Variants in SLC16A12 observed in about 807,000 individuals in gnomAD.
SLC16A12 encodes the protein monocarboxylate transporter 12.
SLC16A12 carries 17 observed loss-of-function variants against 42.4 expected under a neutral mutation model. The observed-to-expected ratio is 0.40, with a 90% CI of 0.27 to 0.60. The LOEUF (loss-of-function observed/expected upper bound fraction) is 0.60. Among genes scored for constraint, SLC16A12 ranks in the 20% least tolerant of loss-of-function variants. The pLI is 0.42. For synonymous variants in SLC16A12, 224 were observed against 229.4 expected, an observed-to-expected ratio of 0.98 and a Z score of 0.21; for missense variants, 544 against 623.0, an observed-to-expected ratio of 0.87 and a Z score of 1.35.
chr10:89,521,254 A>C (rs1843349647), intron 2 of SLC16A12, among the ~76,000 whole-genome samples: 1 of 152,200 alleles, frequency 6.6e-6, no homozygotes, highest in South Asian at 2.1e-4. Context: ...AGTCCCAACA[A>C]AGCCAGTCCA....
intron 2 of SLC16A12, among the ~76,000 whole-genome samples, chr10:89,555,532 TAC>T (rs1843806472): frequency 6.9e-6 from 1 of 145,868 alleles, no homozygotes; most frequent in Admixed American, 7.0e-5. Flanking sequence ...TGTGTATATA[TAC>T]GTATGTATGT....
chr10:89,471,992 T>C (rs1842502040), intron 2 of SLC16A12, among the ~76,000 whole-genome samples: 1 of 152,166 alleles, frequency 6.6e-6, no homozygotes, highest in Non-Finnish European at 1.5e-5. Context: ...ATTATTGGGA[T>C]ACAGGAATAC....
intron 2 of SLC16A12, among the ~76,000 whole-genome samples, chr10:89,494,906 A>C (rs1691744742): frequency 6.6e-6 from 1 of 152,220 alleles, no homozygotes; most frequent in South Asian, 2.1e-4. Context: ...AGTCTGTGGA[A>C]ATGCTACATA....
At chr10:89,505,025 C>T (rs529619998) in intron 2 of SLC16A12, among the ~76,000 whole-genome samples, 1 of 152,282 alleles carries the variant, frequency 6.6e-6, no homozygotes, top group African/African-American at 2.4e-5. Context: ...TGAATTGATA[C>T]AGCTTGATTC....
chr10:89,492,469 C>G (rs1010647428), intron 2 of SLC16A12, among the ~76,000 whole-genome samples: 1 of 152,048 alleles, frequency 6.6e-6, no homozygotes, highest in Non-Finnish European at 1.5e-5. Flanking sequence ...GTGGCTCACA[C>G]CTGTAATCCC....
At chr10:89,445,731 G>A (rs572358250) in intron 3 of SLC16A12, among the ~76,000 whole-genome samples, 4,761 of 152,238 alleles carry the variant, frequency 0.031, 252 homozygotes, top group African/African-American at 0.11. Context: ...ACCGGCGACA[G>A]AACAAAGCTG....
intron 5 of SLC16A12, among the ~76,000 whole-genome samples, chr10:89,440,388 G>A (rs957106966): frequency 3.9e-5 from 6 of 152,154 alleles, no homozygotes; most frequent in African/African-American, 9.7e-5. Flanking sequence ...ACCTTCTTTA[G>A]CTAACATAGC....
chr10:89,433,565 T>C lies in SLC16A12; in HGVS notation c.1289-239A>G, dbSNP rs7090346. On this transcript the variant is annotated intron_variant, in intron 7 of 7. Coordinates refer to ENST00000371790, the MANE Select transcript of SLC16A12 (RefSeq NM_213606.4). Reference sequence around the variant, plus strand: ...CTGTAAAGTGCTTGGAAAAGCATCATGTACTTAGTAGTCACAACGTAAATA... The same window carrying C: ...CTGTAAAGTGCTTGGAAAAGCATCACGTACTTAGTAGTCACAACGTAAATA... 0.27 allele frequency among the ~76,000 whole-genome samples: 40,780 copies of C among 152,176 alleles called. 5,737 individuals are homozygous for C. Among genetic ancestry groups the C allele is most frequent in the African/African-American group, 0.32 (13,122 of 41,510 alleles).
intron 2 of SLC16A12, among the ~76,000 whole-genome samples, chr10:89,468,815 T>G (rs1392349904): frequency 6.6e-6 from 1 of 152,128 alleles, no homozygotes; most frequent in Non-Finnish European, 1.5e-5. Context: ...ACAAATATAA[T>G]GGGCAGGTCT....
chr10:89,471,223 T>C (rs1421386281), intron 2 of SLC16A12, among the ~76,000 whole-genome samples: 1 of 152,220 alleles, frequency 6.6e-6, no homozygotes, highest in Non-Finnish European at 1.5e-5. Flanking sequence ...AACATTTTTA[T>C]CATCCCCAGA....
chr10:89,554,115 G>GAAA (rs1843792755), intron 2 of SLC16A12, among the ~76,000 whole-genome samples: 2 of 140,774 alleles, frequency 1.4e-5, no homozygotes, highest in African/African-American at 2.7e-5. Context: ...AAGGAAGGAA[G>GAAA]GAAGGAAGGA....
chr10:89,438,041 AAC>A (rs1446381852), intron 6 of SLC16A12, among the ~76,000 whole-genome samples: 2 of 152,196 alleles, frequency 1.3e-5, no homozygotes, highest in African/African-American at 4.8e-5. Context: ...AAAAGAAACT[AAC>A]ACCACCACAC....
At chr10:89,460,225 G>A (rs1356658753) in intron 3 of SLC16A12, among the ~76,000 whole-genome samples, 1 of 152,020 alleles carries the variant, frequency 6.6e-6, no homozygotes, top group African/African-American at 2.4e-5. Context: ...TCTATATGAA[G>A]GACCAAGGAT....
chr10:89,446,681 T>C (rs183569962), intron 3 of SLC16A12, among the ~76,000 whole-genome samples: 292 of 152,272 alleles, frequency 1.9e-3, no homozygotes, highest in African/African-American at 6.7e-3. Flanking sequence ...CCATCGATGC[T>C]AGGAAGAAAC....
At chr10:89,451,060 C>T (rs904504744) in intron 3 of SLC16A12, among the ~76,000 whole-genome samples, 10 of 152,170 alleles carry the variant, frequency 6.6e-5, no homozygotes, top group South Asian at 2.1e-4. Context: ...ATTAGCATGG[C>T]GTCCTCATTC....
intron 7 of SLC16A12, among the ~76,000 whole-genome samples, chr10:89,434,807 A>T (rs1182286308): frequency 6.6e-6 from 1 of 152,236 alleles, no homozygotes; most frequent in South Asian, 2.1e-4. Context: ...TTTACCTCGC[A>T]TGAGCATCAC....
At chr10:89,485,374 T>C (rs532923066) in intron 2 of SLC16A12, among the ~76,000 whole-genome samples, 25 of 152,194 alleles carry the variant, frequency 1.6e-4, no homozygotes, top group Non-Finnish European at 2.9e-4. Context: ...AAGGGTGAGA[T>C]GGAGAAATGA....
chr10:89,530,529 T>C lies in SLC16A12; in HGVS notation c.-47+3972A>G, dbSNP rs548314066. Among the ~76,000 whole-genome samples the C allele has an allele frequency of 5.3e-5, 8 of 152,122 alleles. No individual in the cohort carries two copies. In the East Asian group the frequency reaches 5.8e-4, roughly 11 times the overall value. On this transcript the variant is annotated intron_variant, in intron 2 of 7. Coordinates refer to ENST00000371790, the MANE Select transcript of SLC16A12 (RefSeq NM_213606.4). The stretch of plus-strand genomic sequence containing the variant: ...GCCTCCTGGGTTCATGCCATTCTCC[T>C]GCCTCAGCCTCCCGAGTAGCTGGGA...
chr10:89,440,755 A>G (rs1395006074), intron 5 of SLC16A12, among the ~76,000 whole-genome samples: 3 of 152,226 alleles, frequency 2.0e-5, no homozygotes, highest in Non-Finnish European at 2.9e-5. Context: ...TTGACCGTCA[A>G]TAGTATTTTA....
Sources: allele counts gnomAD v4.1 joint callset (sites outside exome capture counted in the v4.1 genomes callset), GRCh38; gene constraint gnomAD v4.1.1; transcripts MANE v1.5; gene names NCBI Gene and HGNC (gene_info 2026-07-23, HGNC 2026-07-21).